USP34: variants seen among roughly 807,000 people sequenced by gnomAD.
The protein encoded by USP34 is ubiquitin specific peptidase 34.
In USP34, 70 loss-of-function variants were observed where a neutral mutation model predicts 460.3. The observed-to-expected ratio is 0.15, with a 90% CI of 0.13 to 0.19. USP34 has a LOEUF of 0.19. Among genes scored for constraint, USP34 ranks in the 10% least tolerant of loss-of-function variants. USP34 has a pLI of 1.00. For synonymous variants in USP34, 1,647 were observed against 1,405.3 expected (o/e 1.17, Z -3.85); for missense variants, 3,985 against 4,236.2 (o/e 0.94, Z 1.65).
intron 25 of USP34, among the ~76,000 whole-genome samples, chr2:61,313,392 G>C (rs189609753): frequency 6.6e-6 from 1 of 152,174 alleles, no homozygotes; most frequent in East Asian, 1.9e-4. Context: ...GTAATGCTGT[G>C]CAAGGACTAA....
chr2:61,233,343 C>T (rs1362429607), intron 57 of USP34, among the ~76,000 whole-genome samples: 2 of 151,894 alleles, frequency 1.3e-5, no homozygotes, highest in Non-Finnish European at 2.9e-5. Context: ...TGTGGGAAAT[C>T]CTACAGCACA....
intron 34 of USP34, among the ~76,000 whole-genome samples, chr2:61,285,835 G>A (rs1055445686): frequency 6.6e-6 from 1 of 152,142 alleles, no homozygotes; most frequent in Non-Finnish European, 1.5e-5. Flanking sequence ...CAGGCTACAT[G>A]ATCCTAATAT....
intron 8 of USP34, among the ~76,000 whole-genome samples, chr2:61,374,381 A>G (rs1000779565): frequency 7.9e-5 from 12 of 152,060 alleles, no homozygotes; most frequent in East Asian, 3.9e-4. Context: ...CATGGTTTCT[A>G]TATTTGTTAA....
chr2:61,394,139 A>T (rs1395929958), intron 5 of USP34, among the ~76,000 whole-genome samples: 1 of 152,124 alleles, frequency 6.6e-6, no homozygotes, highest in African/African-American at 2.4e-5. Flanking sequence ...AAATAAAAGT[A>T]TCTTTCTTTC....
intron 30 of USP34, among the ~76,000 whole-genome samples, chr2:61,295,972 C>G (rs1047399428): frequency 2.6e-5 from 4 of 152,146 alleles, no homozygotes; most frequent in African/African-American, 9.7e-5. Flanking sequence ...TAAAAACAAT[C>G]TTTAAGCCAG....
At chr2:61,327,591 C>T (rs1241983251) in intron 20 of USP34, among the ~76,000 whole-genome samples, 1 of 152,194 alleles carries the variant, frequency 6.6e-6, no homozygotes, top group Non-Finnish European at 1.5e-5. Context: ...AAGTCTTGCC[C>T]TTTACTAAGT....
chr2:61,440,849 C>G (rs1477536613), intron 1 of USP34, among the ~76,000 whole-genome samples: 2 of 149,404 alleles, frequency 1.3e-5, no homozygotes, highest in Non-Finnish European at 3.0e-5. Context: ...AAAAAAATTT[C>G]GGGTGCAGTG....
intron 48 of USP34, among the ~76,000 whole-genome samples, chr2:61,252,123 A>C (rs1688600895): frequency 6.6e-6 from 1 of 152,216 alleles, no homozygotes; most frequent in South Asian, 2.1e-4. Flanking sequence ...GAGTTCCATC[A>C]TTCTCCAGGG....
chr2:61,294,374 C>T (rs937883555), intron 32 of USP34, among the ~76,000 whole-genome samples: 1 of 151,682 alleles, frequency 6.6e-6, no homozygotes, highest in African/African-American at 2.4e-5. Context: ...CACACACACA[C>T]GAAAAAGCCT....
chr2:61,385,443 G>A lies in USP34; in HGVS notation c.754-2107C>T, dbSNP rs139903295. 1.3e-3 allele frequency among the ~76,000 whole-genome samples: 192 copies of A among 151,934 alleles called. 1 individual carries two copies. Among genetic ancestry groups the A allele is most frequent in the African/African-American group, 4.2e-3 (175 of 41,470 alleles). On this transcript the variant is annotated intron_variant, in intron 5 of 79. Transcript: ENST00000398571. ...ACATCTCACTTTGGGAGGCCGAGGCGGGCGGATCACGAGGTCAGGAGATCG... is the reference window on the plus strand; with the variant it reads ...ACATCTCACTTTGGGAGGCCGAGGCAGGCGGATCACGAGGTCAGGAGATCG...
rs754010261 is a variant in USP34, at chr2:61,383,342, T to A, written c.754-6A>T. On this transcript the variant is annotated splice_region_variant and splice_polypyrimidine_tract_variant and intron_variant, in intron 5 of 79. Coordinates refer to ENST00000398571, the MANE Select transcript of USP34 (RefSeq NM_014709.4). ...ATATGTAGCCATATTCTAATCTATATAAGAAACATAAAAACAACATTAATG... is the reference window on the plus strand; with the variant it reads ...ATATGTAGCCATATTCTAATCTATAAAAGAAACATAAAAACAACATTAATG... 1 of 1,585,418 alleles carries A rather than the reference T, an allele frequency of 6.3e-7. No individual in the cohort carries two copies. Among genetic ancestry groups the A allele is most frequent in the East Asian group, 2.2e-5 (1 of 44,596 alleles).
At chr2:61,415,409 T>G (rs1694165881) in intron 2 of USP34, among the ~76,000 whole-genome samples, 1 of 152,076 alleles carries the variant, frequency 6.6e-6, no homozygotes, top group Non-Finnish European at 1.5e-5. Flanking sequence ...CTAGAGAACT[T>G]TTTTGGCTCA....
intron 18 of USP34, among the ~76,000 whole-genome samples, chr2:61,334,715 C>T (rs554003557): frequency 2.1e-4 from 32 of 152,128 alleles, no homozygotes; most frequent in African/African-American, 7.2e-4. Context: ...AGAAATAAGA[C>T]GCCAGGCATT....
At chr2:61,244,474 G>A (rs543939712) in intron 51 of USP34, among the ~76,000 whole-genome samples, 3 of 152,142 alleles carry the variant, frequency 2.0e-5, no homozygotes, top group Admixed American at 2.0e-4. Flanking sequence ...AATTGGCTGG[G>A]GATGGTGGCA....
intron 1 of USP34, among the ~76,000 whole-genome samples, chr2:61,451,815 T>G (rs1302028420): frequency 2.0e-5 from 3 of 152,156 alleles, no homozygotes; most frequent in Admixed American, 1.3e-4. Context: ...TACTTCATAC[T>G]TGATACCAAA....
At chr2:61,216,286 A>C (rs1346348863) in intron 67 of USP34, among the ~76,000 whole-genome samples, 2 of 152,204 alleles carry the variant, frequency 1.3e-5, no homozygotes, top group African/African-American at 4.8e-5. Context: ...TCAATCAAGA[A>C]AAGTAATTTA....
chr2:61,425,988 G>A (rs1254428144), intron 1 of USP34, among the ~76,000 whole-genome samples: 1 of 151,902 alleles, frequency 6.6e-6, no homozygotes, highest in African/African-American at 2.4e-5. Context: ...CCTGTTCAGG[G>A]CCCTAACTCC....
At chr2:61,223,531 A>T in intron 62 of USP34, 1 of 491,852 alleles carries the variant, frequency 2.0e-6, no homozygotes, top group Non-Finnish European at 3.6e-6. Flanking sequence ...TTAACTTACT[A>T]TTTTAGTATA....
chr2:61,398,266 C>G (rs1190380974), intron 3 of USP34, among the ~76,000 whole-genome samples: 1 of 151,994 alleles, frequency 6.6e-6, no homozygotes, highest in Admixed American at 6.6e-5. Flanking sequence ...ACTCAGGAGG[C>G]TGAGGCGGGA....
Sources: allele counts gnomAD v4.1 joint callset (sites outside exome capture counted in the v4.1 genomes callset), GRCh38; gene constraint gnomAD v4.1.1; transcripts MANE v1.5; gene names NCBI Gene and HGNC (gene_info 2026-07-23, HGNC 2026-07-21).